The following CRB1 variants were observed in gnomAD, a reference collection of about 807,000 sequenced individuals.
The protein encoded by CRB1 is crumbs cell polarity complex component 1.
In CRB1, 83 loss-of-function variants were observed where a neutral mutation model predicts 120.0. The observed-to-expected ratio is 0.69, with a 90% CI of 0.58 to 0.83. The LOEUF (loss-of-function observed/expected upper bound fraction) is 0.83. Among genes scored for constraint, CRB1 ranks in the 40% least tolerant of loss-of-function variants. The pLI, the probability that CRB1 is intolerant of heterozygous loss-of-function variation, is 0.00. For missense variants in CRB1, 1,699 were observed against 1,687.6 expected (o/e 1.01, Z -0.12); for synonymous variants, 625 against 612.5 (o/e 1.02, Z -0.30).
chr1:197,215,365 C>T, the CRB1 span, among the ~76,000 whole-genome samples: 1 of 151,424 alleles, frequency 6.6e-6, no homozygotes, highest in Non-Finnish European at 1.5e-5. Context: ...ACAACCTCCA[C>T]CTCCTGTGTT....
At chr1:197,242,519 G>T in the CRB1 span, among the ~76,000 whole-genome samples, 1 of 152,172 alleles carries the variant, frequency 6.6e-6, no homozygotes, top group Non-Finnish European at 1.5e-5. Context: ...GCATCCCAGG[G>T]ATGAAGCCAA....
At position 197,442,307 on chromosome 1, in the gene CRB1, CTT is replaced by C. The variant is rs1558144529; in HGVS notation, c.4005+18_4005+19del. Reference sequence around the variant, plus strand: ...GCGAGGTGGACGTAAGCAGCCTCTCCTTTTATGTCTCTCTCTTATTCTGGCAG... The same window carrying C: ...GCGAGGTGGACGTAAGCAGCCTCTCCTTATGTCTCTCTCTTATTCTGGCAG... On this transcript the variant is annotated intron_variant, in intron 11 of 11. Transcript: ENST00000367400. The C allele has an allele frequency of 1.2e-6, 2 of 1,614,122 alleles. No homozygotes were observed. Among genetic ancestry groups the C allele is most frequent in the Non-Finnish European group, 1.7e-6 (2 of 1,180,028 alleles).
At chr1:197,422,085 GC>G in intron 6 of CRB1, 129 bp downstream of exon 6, 2 of 810,664 alleles carry the variant, frequency 2.5e-6, no homozygotes, top group Non-Finnish European at 3.9e-6. Flanking sequence ...GCTGCTGGTT[GC>G]CCACTGATGA....
chr1:197,408,888 G>A (rs748436598), intron 5 of CRB1, among the ~76,000 whole-genome samples: 18 of 152,268 alleles, frequency 1.2e-4, no homozygotes, highest in South Asian at 4.1e-4. Context: ...TTGTTAGTCC[G>A]TAAAATAACT....
chr1:197,382,890 C>G (rs1662027159), intron 5 of CRB1, among the ~76,000 whole-genome samples: 2 of 152,158 alleles, frequency 1.3e-5, no homozygotes, highest in Admixed American at 1.3e-4. Context: ...ACTTTCAGGG[C>G]ACGTTTTGCA....
Position 197,451,824 on chromosome 1 carries a change from C to T in CRB1, c.4005+9532C>T, listed in dbSNP as rs371632420. ...AAAATACTAACATTAGAAAAACATT[C>T]CATTATAAATTGTAGGATGTCCCTT... On this transcript the variant is annotated intron_variant, in intron 11 of 11. Coordinates refer to ENST00000367400, the MANE Select transcript of CRB1 (RefSeq NM_201253.3). 2.0e-4 allele frequency among the ~76,000 whole-genome samples: 30 copies of T among 152,256 alleles called. No individual in the cohort carries two copies. The South Asian group carries it at 5.6e-3, about 28-fold the overall frequency.
At chr1:197,206,061 C>A in the CRB1 span, among the ~76,000 whole-genome samples, 10 of 151,974 alleles carry the variant, frequency 6.6e-5, no homozygotes, top group African/African-American at 2.4e-4. Flanking sequence ...ACACAGTAGC[C>A]TTCAATGATC....
At chr1:197,356,113 C>T (rs1660466872) in intron 4 of CRB1, among the ~76,000 whole-genome samples, 1 of 152,182 alleles carries the variant, frequency 6.6e-6, no homozygotes, top group South Asian at 2.1e-4. Context: ...CATGGCTAGA[C>T]TGTGCAAGGG....
chr1:197,265,731 C>G (rs1286786949), upstream of CRB1, among the ~76,000 whole-genome samples: 1 of 152,100 alleles, frequency 6.6e-6, no homozygotes, highest in East Asian at 1.9e-4. Flanking sequence ...CTCTATATGT[C>G]TTTAGATGTA....
At chr1:197,402,119 T>G (rs1452402764) in intron 5 of CRB1, among the ~76,000 whole-genome samples, 1 of 151,998 alleles carries the variant, frequency 6.6e-6, no homozygotes, top group African/African-American at 2.4e-5. Context: ...GTCACAGGAG[T>G]TTGTCGCACA....
intron 11 of CRB1, among the ~76,000 whole-genome samples, chr1:197,456,210 T>C (rs558987098): frequency 6.6e-6 from 1 of 152,286 alleles, no homozygotes; most frequent in South Asian, 2.1e-4. Flanking sequence ...ATTACTCTAG[T>C]TGATACCTAG....
intron 7 of CRB1, among the ~76,000 whole-genome samples, chr1:197,428,720 T>C (rs1034357509): frequency 6.6e-6 from 1 of 152,194 alleles, no homozygotes; most frequent in African/African-American, 2.4e-5. Context: ...TTTACATGGA[T>C]TAATCCACTT....
intron 1 of CRB1, among the ~76,000 whole-genome samples, chr1:197,271,308 A>T (rs981292914): frequency 1.3e-5 from 2 of 152,206 alleles, no homozygotes; most frequent in Non-Finnish European, 2.9e-5. Context: ...TAAATTTAAG[A>T]GAAAATAATC....
the CRB1 span, among the ~76,000 whole-genome samples, chr1:197,251,917 G>A: frequency 6.6e-6 from 1 of 151,862 alleles, no homozygotes; most frequent in Non-Finnish European, 1.5e-5. Context: ...TCCTTATTTG[G>A]GATCTTTGTT....
intron 5 of CRB1, among the ~76,000 whole-genome samples, chr1:197,391,797 A>G (rs1439277684): frequency 6.6e-6 from 1 of 152,080 alleles, no homozygotes; most frequent in Non-Finnish European, 1.5e-5. Flanking sequence ...AAAAAATAAG[A>G]ATTCAGAAAA....
intron 5 of CRB1, among the ~76,000 whole-genome samples, chr1:197,408,083 T>C (rs529353100): frequency 6.6e-6 from 1 of 152,244 alleles, no homozygotes; most frequent in Admixed American, 6.5e-5. Context: ...TTCACACTTA[T>C]AAGAGTTACC....
intron 1 of CRB1, among the ~76,000 whole-genome samples, chr1:197,284,579 G>T (rs1273727822): frequency 1.3e-5 from 2 of 151,784 alleles, no homozygotes; most frequent in Non-Finnish European, 2.9e-5. Flanking sequence ...CATTTATCTT[G>T]CATCAATATA....
intron 11 of CRB1, chr1:197,443,656 TAGTA>T (rs2125516463): frequency 6.6e-6 from 1 of 152,064 alleles, no homozygotes; most frequent in Non-Finnish European, 1.5e-5. Context: ...TATGAAAGCA[TAGTA>T]TACATCATAA....
At chr1:197,445,410 G>T (rs6428401) in intron 11 of CRB1, among the ~76,000 whole-genome samples, 140,513 of 152,186 alleles carry the variant, frequency 0.92, 65,932 homozygotes, top group Non-Finnish European at 1. Flanking sequence ...AAAAATCAGT[G>T]TTTGAGGAGG....
Sources: allele counts gnomAD v4.1 joint callset (sites outside exome capture counted in the v4.1 genomes callset), GRCh38; gene constraint gnomAD v4.1.1; transcripts MANE v1.5; gene names NCBI Gene and HGNC (gene_info 2026-07-23, HGNC 2026-07-21).